TMEM132E: variants seen among roughly 807,000 people sequenced by gnomAD.
TMEM132E encodes transmembrane protein 132E.
In TMEM132E, 49 loss-of-function variants were observed where a neutral mutation model predicts 78.5. The ratio of observed to expected loss-of-function variants is 0.62; its 90% confidence interval spans 0.50 to 0.79. The LOEUF is 0.79. TMEM132E is among the 30% of genes least tolerant of loss of function. The pLI is 0.00. For missense variants in TMEM132E, 1,403 were observed against 1,470.9 expected, an observed-to-expected ratio of 0.95 and a Z score of 0.75; for synonymous variants, 715 against 670.6, an observed-to-expected ratio of 1.07 and a Z score of -1.02.
intron 1 of TMEM132E, among the ~76,000 whole-genome samples, chr17:34,586,645 C>T (rs1905691278): frequency 6.6e-6 from 1 of 152,134 alleles, no homozygotes; most frequent in Admixed American, 6.6e-5. Context: ...CAGCTCCCCA[C>T]CACCACCACT....
intron 1 of TMEM132E, among the ~76,000 whole-genome samples, chr17:34,615,698 G>A (rs1447513350): frequency 3.3e-5 from 5 of 151,992 alleles, no homozygotes; most frequent in African/African-American, 7.2e-5. Flanking sequence ...CACCCTTAGC[G>A]GCAGGCAAGT....
chr17:34,635,434 C>T (rs1907489777), intron 7 of TMEM132E, among the ~76,000 whole-genome samples: 1 of 152,144 alleles, frequency 6.6e-6, no homozygotes, highest in Admixed American at 6.5e-5. Context: ...TCTACCCTGA[C>T]AATTGGGTGT....
At chr17:34,609,516 T>C (rs576701742) in intron 1 of TMEM132E, among the ~76,000 whole-genome samples, 1 of 152,240 alleles carries the variant, frequency 6.6e-6, no homozygotes, top group African/African-American at 2.4e-5. Context: ...AGCACTTGCC[T>C]CTCGCCCTAT....
At chr17:34,636,318 C>T in intron 8 of TMEM132E, 120 bp downstream of exon 8, 1 of 1,032,500 alleles carries the variant, frequency 9.7e-7, no homozygotes, top group African/African-American at 1.7e-5. Flanking sequence ...TGGAGGATCT[C>T]TGCCCTCCAT....
intron 1 of TMEM132E, among the ~76,000 whole-genome samples, chr17:34,620,036 A>G (rs1009157968): frequency 2.6e-5 from 4 of 152,200 alleles, no homozygotes; most frequent in African/African-American, 7.2e-5. Context: ...TAATTTGGAG[A>G]CAATTAGAGG....
intron 1 of TMEM132E, among the ~76,000 whole-genome samples, chr17:34,587,496 T>C (rs1905718864): frequency 6.6e-6 from 1 of 152,104 alleles, no homozygotes; most frequent in Non-Finnish European, 1.5e-5. Context: ...CTTTATTCCT[T>C]GCGTGGTGAG....
At chr17:34,628,398 A>C (rs1907228583) in intron 2 of TMEM132E, among the ~76,000 whole-genome samples, 165 bp from the exon 3 acceptor site, 1 of 152,202 alleles carries the variant, frequency 6.6e-6, no homozygotes, top group African/African-American at 2.4e-5. Flanking sequence ...GTGATACCAG[A>C]TTCCCCAAGT....
In TMEM132E at chr17:34,627,109, T is replaced by A. The variant is rs558300826; in HGVS notation, c.998+52T>A. 120 of 797,134 alleles carry A rather than the reference T, an allele frequency of 1.5e-4. No homozygotes were observed. The South Asian group carries it at 1.5e-3, about 10-fold the overall frequency. The allele number at this position is 797,134 out of a possible 1,614,324, so 49.4% of individuals were successfully genotyped here. ...GGTTTCCCTTCCAAGATCAAATGCA[T>A]ACCTGACTCCTTGTGGGTGGGTTGG... On this transcript the variant is annotated intron_variant, in intron 2 of 8. Transcript: ENST00000631683.
In TMEM132E at chr17:34,626,686, C is replaced by G. The variant is rs1054718646; in HGVS notation, c.627C>G (p.Pro209=). ...GGCCCCCAGCCCCCGCTGCGCCACC[C>G]ACGGCCCGCCGCAAGTCCCCGGACG... ...WFGPPAPAAP[P]TARRKSPDGL... is the part of the protein sequence containing the mutation. Residue 209 remains proline (P), a synonymous_variant, in exon 2 of 9, where the codon CCC becomes CCG. Transcript: ENST00000631683. The G allele has an allele frequency of 7.2e-7, 1 of 1,398,178 alleles. No homozygotes were observed. Among genetic ancestry groups the G allele is most frequent in the Non-Finnish European group, 9.3e-7 (1 of 1,070,638 alleles). 86.6% of individuals were successfully genotyped at this position (1,398,178 alleles called of 1,614,324 possible). A position where few individuals can be genotyped will look rare whatever the true frequency, so the allele number is the denominator to read the frequency against.
At position 34,585,853 on chromosome 17, in the gene TMEM132E, G is replaced by T. The variant is rs953191286; in HGVS notation, c.67+4710G>T. On this transcript the variant is annotated intron_variant, in intron 1 of 8. Coordinates refer to ENST00000631683, the MANE Select transcript of TMEM132E (RefSeq NM_001304438.2). ...TTTCAGTAGCTCAAAGTCCAACTGG[G>T]GGGAATGAGACAAAGGTCCAAAGTC... Among the ~76,000 whole-genome samples the T allele has an allele frequency of 2.2e-4, 34 of 152,314 alleles. 1 individual carries two copies. In the East Asian group the frequency reaches 5.0e-3, roughly 22 times the overall value.
At chr17:34,603,575 GAC>G (rs553001285) in intron 1 of TMEM132E, among the ~76,000 whole-genome samples, 2 of 152,172 alleles carry the variant, frequency 1.3e-5, no homozygotes, top group Non-Finnish European at 2.9e-5. Flanking sequence ...GCAGGCAGAA[GAC>G]ACAGAGGTGT....
At chr17:34,629,803 T>C (rs1369768197) in intron 4 of TMEM132E, among the ~76,000 whole-genome samples, 4 of 152,062 alleles carry the variant, frequency 2.6e-5, no homozygotes, top group African/African-American at 7.2e-5. Flanking sequence ...CTGAGGTTCC[T>C]GCAAAAGCCC....
intron 1 of TMEM132E, among the ~76,000 whole-genome samples, chr17:34,609,997 C>T (rs1193165566): frequency 1.3e-5 from 2 of 152,138 alleles, no homozygotes; most frequent in African/African-American, 4.8e-5. Context: ...TCCCTCCATC[C>T]CTGACCCCAC....
At chr17:34,597,668 T>A (rs1906105013) in intron 1 of TMEM132E, among the ~76,000 whole-genome samples, 1 of 152,162 alleles carries the variant, frequency 6.6e-6, no homozygotes, top group African/African-American at 2.4e-5. Context: ...GCCACCATCA[T>A]GATCTTCATG....
At chr17:34,624,392 G>A (rs1007185331) in intron 1 of TMEM132E, among the ~76,000 whole-genome samples, 4 of 152,090 alleles carry the variant, frequency 2.6e-5, no homozygotes, top group South Asian at 2.1e-4. Context: ...CTTTCTTGGC[G>A]CAAGGCCAGG....
chr17:34,635,794 C>T (rs1419777239), intron 7 of TMEM132E: 3 of 407,838 alleles, frequency 7.4e-6, no homozygotes, highest in African/African-American at 6.2e-5. Context: ...TGTGTTCCCG[C>T]CTGGCTCCTG....
chr17:34,595,161 A>G (rs2142055297), intron 1 of TMEM132E, among the ~76,000 whole-genome samples: 1 of 152,326 alleles, frequency 6.6e-6, no homozygotes, highest in Non-Finnish European at 1.5e-5. Context: ...TTTCGTCCAG[A>G]GCTTTGCCCA....
intron 6 of TMEM132E, 102 bp downstream of exon 6, chr17:34,633,011 A>T: frequency 2.3e-6 from 3 of 1,313,122 alleles, no homozygotes; most frequent in Non-Finnish European, 3.2e-6. Flanking sequence ...CTTGGTATAC[A>T]TAGTCTGTAG....
In TMEM132E at chr17:34,626,411, G is replaced by C. The variant is rs747420328; in HGVS notation, c.352G>C (p.Glu118Gln). The C allele has an allele frequency of 2.8e-5, 45 of 1,613,238 alleles. No homozygotes were observed. The highest frequency in any genetic ancestry group is 3.5e-5 in the Non-Finnish European group (41 of 1,179,826). ...LQPSSTLDIP[E>Q]RLTVNWKVRA... ...GCCGTCCAGCACCCTGGACATCCCCGAGCGCCTGACGGTGAACTGGAAGGT... is the reference window on the plus strand; with the variant it reads ...GCCGTCCAGCACCCTGGACATCCCCCAGCGCCTGACGGTGAACTGGAAGGT... Residue 118 changes from glutamate (E) to glutamine (Q), a missense_variant, in exon 2 of 9, where the codon GAG (glutamate) becomes CAG (glutamine). Physicochemically the swap from Glu to Gln is conservative, Grantham distance 29 (BLOSUM62 2). Coordinates refer to ENST00000631683, the MANE Select transcript of TMEM132E (RefSeq NM_001304438.2).
Sources: gnomAD v4.1 joint callset for allele counts (sites outside exome capture counted in the v4.1 genomes callset) on GRCh38, gnomAD v4.1.1 for gene constraint, MANE v1.5 for transcripts, NCBI Gene and HGNC (gene_info 2026-07-23, HGNC 2026-07-21) for gene names.